The following UBE2E2 variants were observed in gnomAD, a reference collection of about 807,000 sequenced individuals.
The protein encoded by UBE2E2 is ubiquitin conjugating enzyme E2 E2.
UBE2E2 carries 6 observed loss-of-function variants against 24.7 expected under a neutral mutation model. The ratio of observed to expected loss-of-function variants is 0.24; its 90% CI spans 0.13 to 0.48. The LOEUF (loss-of-function observed/expected upper bound fraction) is 0.48. Among genes scored for constraint, UBE2E2 ranks in the 20% least tolerant of loss-of-function variants. UBE2E2 has a pLI of 0.99. For missense variants in UBE2E2, 169 were observed against 245.0 expected, an observed-to-expected ratio of 0.69 and a Z score of 2.07; for synonymous variants, 104 against 83.6, an observed-to-expected ratio of 1.24 and a Z score of -1.33.
At chr3:23,546,387 A>G (rs532005260) in intron 5 of UBE2E2, among the ~76,000 whole-genome samples, 60 of 145,762 alleles carry the variant, frequency 4.1e-4, no homozygotes, top group African/African-American at 1.5e-3. Flanking sequence ...ACTCAGAACT[A>G]TTTGCCCAAG....
intron 3 of UBE2E2, among the ~76,000 whole-genome samples, chr3:23,396,778 G>A (rs1697089655): frequency 1.3e-5 from 2 of 152,214 alleles, no homozygotes; most frequent in South Asian, 2.1e-4. Flanking sequence ...TTGACTCATA[G>A]TGAGCACTCA....
intron 5 of UBE2E2, among the ~76,000 whole-genome samples, chr3:23,534,940 C>T (rs899102715): frequency 3.9e-5 from 6 of 152,198 alleles, no homozygotes; most frequent in African/African-American, 1.4e-4. Flanking sequence ...CTTTCTCACT[C>T]TTATCCATAC....
intron 3 of UBE2E2, among the ~76,000 whole-genome samples, chr3:23,313,428 A>C (rs1575554428): frequency 8.7e-6 from 1 of 115,148 alleles, no homozygotes; most frequent in Admixed American, 1.3e-4. Flanking sequence ...CTCTGTTCCC[A>C]GGCTGGAGTG....
chr3:23,311,764 G>A (rs143991497), intron 3 of UBE2E2, among the ~76,000 whole-genome samples: 7 of 152,220 alleles, frequency 4.6e-5, no homozygotes, highest in Admixed American at 4.6e-4. Context: ...TGGGTACATA[G>A]TAGGTATATA....
chr3:23,552,418 G>T (rs915527881), intron 5 of UBE2E2, among the ~76,000 whole-genome samples: 5 of 152,178 alleles, frequency 3.3e-5, no homozygotes, highest in Admixed American at 6.5e-5. Context: ...ATTCCCAGGG[G>T]ACTGAGGGTG....
intron 3 of UBE2E2, among the ~76,000 whole-genome samples, chr3:23,424,633 C>T (rs1482028761): frequency 6.6e-6 from 1 of 151,974 alleles, no homozygotes; most frequent in African/African-American, 2.4e-5. Context: ...AATGAAAAAG[C>T]AAATTGAGCT....
rs1408122059 is a variant in UBE2E2 at position 23,591,301 on chromosome 3, GA to G, written c.*1474del. On this transcript the variant is annotated 3_prime_UTR_variant, in exon 6 of 6. Coordinates refer to ENST00000396703, the MANE Select transcript of UBE2E2 (RefSeq NM_152653.4). ...AGGAACCATTAACACCTTCACTGCT[GA>G]AAAGCAGGATTTATAAGCATAAGTC... 6.6e-6 allele frequency: 1 copy of G among 152,118 alleles called. No individual in the cohort carries two copies. Among genetic ancestry groups the G allele is most frequent in the Admixed American group, 6.5e-5 (1 of 15,268 alleles). The allele number at this position is 152,118 out of a possible 1,614,324, so 9.4% of individuals were successfully genotyped here. A position where few individuals can be genotyped will look rare whatever the true frequency, so the allele number is the denominator to read the frequency against.
intron 3 of UBE2E2, among the ~76,000 whole-genome samples, chr3:23,302,967 A>T (rs1018204453): frequency 6.6e-5 from 10 of 152,132 alleles, no homozygotes; most frequent in Non-Finnish European, 1.2e-4. Flanking sequence ...CATGACACAT[A>T]CCTGTGGAAC....
intron 3 of UBE2E2, among the ~76,000 whole-genome samples, chr3:23,296,290 T>G (rs1483015519): frequency 6.6e-6 from 1 of 152,146 alleles, no homozygotes; most frequent in Non-Finnish European, 1.5e-5. Context: ...TTTCACTACT[T>G]TAGTGTTTCT....
chr3:23,392,296 T>C (rs983945386), intron 3 of UBE2E2, among the ~76,000 whole-genome samples: 2 of 152,178 alleles, frequency 1.3e-5, no homozygotes, highest in South Asian at 2.1e-4. Flanking sequence ...GTGCCTGATA[T>C]GCATGAGACT....
chr3:23,556,027 G>A (rs1044409799), intron 5 of UBE2E2, among the ~76,000 whole-genome samples: 1 of 151,882 alleles, frequency 6.6e-6, no homozygotes, highest in South Asian at 2.1e-4. Context: ...GGGGTGGGGA[G>A]GGAAATGGGT....
chr3:23,449,934 A>G, intron 3 of UBE2E2: 2 of 985,396 alleles, frequency 2.0e-6, no homozygotes, highest in African/African-American at 1.7e-5. Flanking sequence ...TAGTGAGGAA[A>G]TGTACCCCTG....
In UBE2E2 at chr3:23,526,243, G is replaced by A. The variant is rs184549997; in HGVS notation, c.361-6311G>A. ...ATTTATTATTTCTATTATTAGTTTA[G>A]CCTATATGAAGCCCCTTGTGAAATA... On this transcript the variant is annotated intron_variant, in intron 4 of 5. Transcript: ENST00000396703. Among the ~76,000 whole-genome samples, 12 of 152,250 alleles carry A rather than the reference G, an allele frequency of 7.9e-5. 2 individuals carry two copies. Among genetic ancestry groups the A allele is most frequent in the East Asian group, 1.9e-4 (1 of 5,188 alleles).
At chr3:23,205,024 A>G (rs1696109694) in intron 1 of UBE2E2, among the ~76,000 whole-genome samples, 1 of 152,196 alleles carries the variant, frequency 6.6e-6, no homozygotes, top group Admixed American at 6.5e-5. Context: ...TTTTTATGGA[A>G]CATGTGAGTT....
chr3:23,548,229 C>T (rs1421223546), intron 5 of UBE2E2, among the ~76,000 whole-genome samples: 5 of 152,186 alleles, frequency 3.3e-5, no homozygotes, highest in African/African-American at 1.2e-4. Context: ...CACCATCTTT[C>T]ACAACTAGAA....
intron 3 of UBE2E2, among the ~76,000 whole-genome samples, chr3:23,233,404 G>GA (rs1490429666): frequency 6.6e-6 from 1 of 152,086 alleles, no homozygotes; most frequent in African/African-American, 2.4e-5. Flanking sequence ...GAAGTGGGTG[G>GA]AATAGAATAG....
chr3:23,271,427 G>A (rs1484165340), intron 3 of UBE2E2, among the ~76,000 whole-genome samples: 12 of 152,182 alleles, frequency 7.9e-5, no homozygotes, highest in Admixed American at 7.9e-4. Flanking sequence ...ATTGCAAAGA[G>A]CCAAAGAACA....
At chr3:23,416,531 G>T (rs191432455) in intron 3 of UBE2E2, among the ~76,000 whole-genome samples, 1 of 152,106 alleles carries the variant, frequency 6.6e-6, no homozygotes, top group African/African-American at 2.4e-5. Context: ...TATGTATCTT[G>T]GGGTTGCTCT....
chr3:23,355,651 C>G (rs545074481), intron 3 of UBE2E2, among the ~76,000 whole-genome samples: 1 of 152,136 alleles, frequency 6.6e-6, no homozygotes, highest in Non-Finnish European at 1.5e-5. Context: ...TGGATTGTGG[C>G]TGACCAGTTT....
Sources: gnomAD v4.1 joint callset for allele counts (sites outside exome capture counted in the v4.1 genomes callset) on GRCh38, gnomAD v4.1.1 for gene constraint, MANE v1.5 for transcripts, NCBI Gene and HGNC (gene_info 2026-07-23, HGNC 2026-07-21) for gene names.